The following RUFY3 variants were observed in gnomAD, a reference collection of about 807,000 sequenced individuals.
The protein encoded by RUFY3 is RUN and FYVE domain containing 3.
RUFY3 carries 34 observed loss-of-function variants against 84.0 expected under a neutral mutation model. The ratio of observed to expected loss-of-function variants is 0.40; its 90% CI spans 0.31 to 0.54. The LOEUF is 0.54. RUFY3 is among the 20% of genes least tolerant of loss of function. RUFY3 has a pLI of 0.39. For missense variants in RUFY3, 507 were observed against 736.8 expected, an observed-to-expected ratio of 0.69 and a Z score of 3.61; for synonymous variants, 242 against 252.9, an observed-to-expected ratio of 0.96 and a Z score of 0.41.
chr4:70,772,149 A>AT (rs1259115167), intron 5 of RUFY3, among the ~76,000 whole-genome samples: 3 of 150,506 alleles, frequency 2.0e-5, no homozygotes, highest in African/African-American at 7.3e-5. Flanking sequence ...TATATTGTGT[A>AT]TATATATAGT....
chr4:70,777,797 A>G (rs1728208718), intron 7 of RUFY3, among the ~76,000 whole-genome samples: 2 of 152,252 alleles, frequency 1.3e-5, no homozygotes, highest in Admixed American at 1.3e-4. Flanking sequence ...TTTAATTCAT[A>G]TAGACTGTTA....
intron 6 of RUFY3, 121 bp downstream of exon 6, chr4:70,773,693 T>G (rs754389921): frequency 1.6e-6 from 1 of 631,630 alleles, no homozygotes; most frequent in East Asian, 2.8e-5. Flanking sequence ...TCTGATCATA[T>G]AGCTTTAATA....
At chr4:70,737,796 C>T (rs1720600952) in intron 1 of RUFY3, among the ~76,000 whole-genome samples, 2 of 151,312 alleles carry the variant, frequency 1.3e-5, no homozygotes, top group South Asian at 2.1e-4. Context: ...GCCTCAGCCT[C>T]CTGAGTAGCT....
chr4:70,802,775 A>C (rs1732387775), intron 15 of RUFY3, 181 bp from the exon 16 acceptor site: 2 of 475,908 alleles, frequency 4.2e-6, no homozygotes, highest in African/African-American at 3.9e-5. Context: ...TCATTTTAAG[A>C]AGCAAAGTTT....
chr4:70,749,324 T>C (rs76139342), intron 1 of RUFY3, among the ~76,000 whole-genome samples: 1,636 of 152,268 alleles, frequency 0.011, 15 homozygotes, highest in South Asian at 0.03. Context: ...CTAAAATTGA[T>C]TATATTATGA....
At chr4:70,715,316 T>G (rs1418779264) in intron 1 of RUFY3, among the ~76,000 whole-genome samples, 1 of 152,130 alleles carries the variant, frequency 6.6e-6, no homozygotes, top group African/African-American at 2.4e-5. Flanking sequence ...ATGCGGTGGC[T>G]CATGCCTGTA....
At chr4:70,707,420 AT>A (rs1740461427) in intron 1 of RUFY3, among the ~76,000 whole-genome samples, 4 of 152,216 alleles carry the variant, frequency 2.6e-5, no homozygotes, top group African/African-American at 7.2e-5. Context: ...CATTTTTAGT[AT>A]TTTTAGTAGA....
At chr4:70,711,120 A>C (rs1251560384) in intron 1 of RUFY3, among the ~76,000 whole-genome samples, 1 of 151,504 alleles carries the variant, frequency 6.6e-6, no homozygotes, top group Non-Finnish European at 1.5e-5. Context: ...GCCAAAGTGA[A>C]AATAAACAAT....
At chr4:70,791,898 T>A in intron 12 of RUFY3, 1 of 985,712 alleles carries the variant, frequency 1.0e-6, no homozygotes, top group Non-Finnish European at 1.2e-6. Flanking sequence ...TTTTTTTGCC[T>A]TGGTGACTTT....
chr4:70,774,089 C>T (rs1028163128), intron 6 of RUFY3, among the ~76,000 whole-genome samples: 2 of 152,146 alleles, frequency 1.3e-5, no homozygotes, highest in Non-Finnish European at 2.9e-5. Flanking sequence ...ATCAGAAGCA[C>T]ATCTATTCTT....
chr4:70,763,164 TTTGA>T (rs1162893640), intron 2 of RUFY3, among the ~76,000 whole-genome samples: 2 of 152,192 alleles, frequency 1.3e-5, no homozygotes, highest in African/African-American at 4.8e-5. Context: ...TTGTTTTTTG[TTTGA>T]TTGTTTTTTT....
chr4:70,801,163 CAAA>C (rs561597683), intron 15 of RUFY3, among the ~76,000 whole-genome samples: 8 of 64,276 alleles, frequency 1.2e-4, no homozygotes, highest in African/African-American at 1.6e-4. Flanking sequence ...ACTATGGAGA[CAAA>C]AAAAAAAAAA....
chr4:70,777,680 GTTTC>G (rs1158535075), intron 7 of RUFY3, among the ~76,000 whole-genome samples: 4 of 152,102 alleles, frequency 2.6e-5, no homozygotes, highest in Non-Finnish European at 5.9e-5. Context: ...CTATGCCTTA[GTTTC>G]TTTATCTGTA....
intron 7 of RUFY3, 116 bp from the exon 8 acceptor site, chr4:70,778,253 A>C (rs1728300819): frequency 1.4e-5 from 6 of 422,854 alleles, no homozygotes. Flanking sequence ...AATAATAATA[A>C]AATAAAAAAT....
intron 1 of RUFY3, among the ~76,000 whole-genome samples, chr4:70,759,402 A>G (rs951521082): frequency 6.0e-5 from 9 of 149,072 alleles, no homozygotes; most frequent in African/African-American, 1.7e-4. Flanking sequence ...GTGTGTGTGT[A>G]TACCACATTT....
At chr4:70,724,914 G>T (rs1038465543) in intron 1 of RUFY3, among the ~76,000 whole-genome samples, 1 of 152,106 alleles carries the variant, frequency 6.6e-6, no homozygotes, top group African/African-American at 2.4e-5. Flanking sequence ...TGGTCACCAG[G>T]CCCATGATTA....
At position 70,767,259 on chromosome 4, in the gene RUFY3, ATTTTTTTT is replaced by A. The variant is rs779388140; in HGVS notation, c.573-1256_573-1249del. ...TGCCACCATGCCCGGCTAATTTTGT[ATTTTTTTT>A]TTTTTTTTTTTTTTTTTTTTTTAGT... On this transcript the variant is annotated intron_variant, in intron 4 of 17. Transcript: ENST00000381006. 9.0e-3 allele frequency among the ~76,000 whole-genome samples: 445 copies of A among 49,690 alleles called. 1 individual carries two copies. Among genetic ancestry groups the A allele is most frequent in the African/African-American group, 0.03 (429 of 14,090 alleles). 32.6% of individuals were successfully genotyped at this position (49,690 alleles called of 152,430 possible).
rs771940667 is a variant in RUFY3 at position 70,791,327 on chromosome 4, C to T, written c.1337+1735C>T. The T allele has an allele frequency of 7.3e-5, 118 of 1,610,072 alleles. No individual in the cohort carries two copies. In the Admixed American group the frequency reaches 1.4e-3, roughly 20 times the overall value. Reference sequence around the variant, plus strand: ...TTTTAAGTTGGTCACGTCGCAAGTCCGATATCACAACTTAATTGTAAAAGG... The same window carrying T: ...TTTTAAGTTGGTCACGTCGCAAGTCTGATATCACAACTTAATTGTAAAAGG... On this transcript the variant is annotated intron_variant, in intron 12 of 17. Coordinates refer to ENST00000381006, the MANE Select transcript of RUFY3 (RefSeq NM_001037442.4).
rs535264211 is a variant in RUFY3, at chr4:70,784,627, A to G, written c.988-169A>G. 9.6e-4 allele frequency among the ~76,000 whole-genome samples: 146 copies of G among 152,344 alleles called. 1 individual carries two copies. Among genetic ancestry groups the G allele is most frequent in the Non-Finnish European group, 1.5e-3 (104 of 68,024 alleles). On this transcript the variant is annotated intron_variant, in intron 9 of 17. Coordinates refer to ENST00000381006, the MANE Select transcript of RUFY3 (RefSeq NM_001037442.4). ...TAAATAAAGTGTCAGGAAGCCCCCA[A>G]TTCAGCTTAACCTTTAAAAATGTAC...
Sources: gnomAD v4.1 joint callset for allele counts (sites outside exome capture counted in the v4.1 genomes callset) on GRCh38, gnomAD v4.1.1 for gene constraint, MANE v1.5 for transcripts, NCBI Gene and HGNC (gene_info 2026-07-23, HGNC 2026-07-21) for gene names.